Variants in PRSS55 observed in about 807,000 individuals in gnomAD.
The protein encoded by PRSS55 is serine protease 55.
PRSS55 carries 41 observed loss-of-function variants against 23.6 expected under a neutral mutation model. The observed-to-expected ratio is 1.74, with a 90% CI of 1.35 to 2.26. The LOEUF (loss-of-function observed/expected upper bound fraction) is 2.26, where lower values mean the gene tolerates loss of function less well. Ranked by LOEUF, PRSS55 falls within the 30% of genes most tolerant of loss-of-function variation. The pLI is 0.00. For missense variants in PRSS55, 669 were observed against 439.1 expected, an observed-to-expected ratio of 1.52 and a Z score of -4.68; for synonymous variants, 262 against 175.5, an observed-to-expected ratio of 1.49 and a Z score of -3.90.
intron 4 of PRSS55, among the ~76,000 whole-genome samples, chr8:10,546,228 G>C (rs1262319481): frequency 6.6e-6 from 1 of 152,188 alleles, no homozygotes; most frequent in African/African-American, 2.4e-5. Flanking sequence ...ATCATTGCAT[G>C]GACAGAGTAA....
chr8:10,533,034 T>A lies in PRSS55; in HGVS notation c.727T>A (p.Tyr243Asn). 6.2e-7 allele frequency: 1 copy of A among 1,614,186 alleles called. No homozygotes were observed. Among genetic ancestry groups the A allele is most frequent in the Non-Finnish European group, 8.5e-7 (1 of 1,180,014 alleles). Residue 243 changes from tyrosine (Y) to asparagine (N), a missense_variant, in exon 4 of 5, where the codon TAT (tyrosine) becomes AAT (asparagine). Transcript: ENST00000328655. ...MLCAGYKNESYDACKGDSGGP... is the reference protein window; with the variant it reads ...MLCAGYKNESNDACKGDSGGP... ...GTGTGCCGGATACAAGAATGAGAGCTATGATGCCTGCAAGGTAACTAGGGG... is the reference window on the plus strand; with the variant it reads ...GTGTGCCGGATACAAGAATGAGAGCAATGATGCCTGCAAGGTAACTAGGGG...
At chr8:10,545,169 G>T in intron 4 of PRSS55, 3 of 190,528 alleles carry the variant, frequency 1.6e-5, no homozygotes, top group Non-Finnish European at 2.8e-5. Flanking sequence ...AAATGAAATC[G>T]AAAATGAACA....
At chr8:10,543,450 TCC>T (rs1563547328), downstream of PRSS55, among the ~76,000 whole-genome samples, 52 of 22,774 alleles carry the variant, frequency 2.3e-3, no homozygotes, top group African/African-American at 3.2e-3. Context: ...CTTCCATCCT[TCC>T]TTCCTTCCTT....
At chr8:10,531,261 T>C (rs752681573) in intron 2 of PRSS55, 34 bp from the exon 3 acceptor site, 8 of 1,609,836 alleles carry the variant, frequency 5.0e-6, no homozygotes, top group Admixed American at 1.7e-5. Context: ...TCCCTTCCCC[T>C]TCCACTTGCC....
chr8:10,529,750 G>A lies in PRSS55; in HGVS notation c.347+51G>A, dbSNP rs755087477. 5 of 1,563,374 alleles carry A rather than the reference G, an allele frequency of 3.2e-6. No individual in the cohort carries two copies. The African/African-American group carries it at 6.8e-5, about 21-fold the overall frequency. ...CACCTCTCAGGGCGCCCACCCCTGGGGCACCCTCCCCCTCACCCACACCTG... is the reference window on the plus strand; with the variant it reads ...CACCTCTCAGGGCGCCCACCCCTGGAGCACCCTCCCCCTCACCCACACCTG... On this transcript the variant is annotated intron_variant, in intron 2 of 4. Transcript: ENST00000328655.
At chr8:10,538,210 G>A (rs1287287079) in intron 4 of PRSS55, among the ~76,000 whole-genome samples, 1 of 152,098 alleles carries the variant, frequency 6.6e-6, no homozygotes, top group East Asian at 1.9e-4. Context: ...GCTGCAGATG[G>A]AGTGGTCTTT....
chr8:10,526,979 C>G (rs1474154440), intron 1 of PRSS55, among the ~76,000 whole-genome samples: 1 of 152,214 alleles, frequency 6.6e-6, no homozygotes, highest in Non-Finnish European at 1.5e-5. Flanking sequence ...GTGCCATGTT[C>G]TGCATCTCAG....
intron 4 of PRSS55, among the ~76,000 whole-genome samples, chr8:10,545,460 T>A (rs934581960): frequency 6.6e-6 from 1 of 152,224 alleles, no homozygotes; most frequent in Admixed American, 6.5e-5. Context: ...TTTAAGTTGC[T>A]GTAAAGGTTT....
intron 4 of PRSS55, among the ~76,000 whole-genome samples, chr8:10,551,677 G>C (rs1361035952): frequency 3.3e-5 from 5 of 152,228 alleles, no homozygotes; most frequent in African/African-American, 1.2e-4. Context: ...GAACAGCTGA[G>C]AACATTGGAA....
At chr8:10,553,454 T>C (rs1226486838) in intron 4 of PRSS55, among the ~76,000 whole-genome samples, 1 of 152,170 alleles carries the variant, frequency 6.6e-6, no homozygotes, top group Non-Finnish European at 1.5e-5. Flanking sequence ...CACAATAAAA[T>C]ACTACTCAGC....
intron 4 of PRSS55, among the ~76,000 whole-genome samples, chr8:10,545,961 T>C (rs76630914): frequency 0.082 from 12,405 of 152,154 alleles, 555 homozygotes; most frequent in Non-Finnish European, 0.097. Flanking sequence ...CCTGCAGAGC[T>C]TCTTGCCAGA....
chr8:10,543,587 C>G (rs1812732469), downstream of PRSS55, among the ~76,000 whole-genome samples: 1 of 150,686 alleles, frequency 6.6e-6, no homozygotes, highest in Admixed American at 6.6e-5. Flanking sequence ...TTCCCTTATC[C>G]TTCCTGGTTT....
Position 10,527,637 on chromosome 8 carries a change from G to A in PRSS55, c.155-1870G>A, listed in dbSNP as rs547115965. 1.4e-4 allele frequency among the ~76,000 whole-genome samples: 21 copies of A among 152,380 alleles called. No homozygotes were observed. The South Asian group carries it at 1.7e-3, about 12-fold the overall frequency. On this transcript the variant is annotated intron_variant, in intron 1 of 4. Coordinates refer to ENST00000328655, the MANE Select transcript of PRSS55 (RefSeq NM_198464.4). ...TGGGGAAGAATATTTCAGGCAGAGA[G>A]CCACATGGCGCAGTGGTGAGAGCAC... is the stretch of plus-strand genomic sequence containing the variant.
At chr8:10,551,314 CCTCA>C (rs112578028) in intron 4 of PRSS55, among the ~76,000 whole-genome samples, 44,923 of 151,928 alleles carry the variant, frequency 0.3, 7,116 homozygotes, top group South Asian at 0.45. Context: ...TTTAAAATGC[CCTCA>C]CTCACTCATT....
At chr8:10,552,204 C>T (rs868348047) in intron 4 of PRSS55, among the ~76,000 whole-genome samples, 1 of 152,166 alleles carries the variant, frequency 6.6e-6, no homozygotes, top group Non-Finnish European at 1.5e-5. Flanking sequence ...GCAGAGAGCC[C>T]GTTTCTAACT....
At chr8:10,546,149 C>T (rs1812812778) in intron 4 of PRSS55, among the ~76,000 whole-genome samples, 1 of 152,140 alleles carries the variant, frequency 6.6e-6, no homozygotes, top group Non-Finnish European at 1.5e-5. Context: ...ATGAAGCTGG[C>T]CATGGCTCAA....
At chr8:10,542,337 C>T (rs536800638), downstream of PRSS55, among the ~76,000 whole-genome samples, 2 of 149,948 alleles carry the variant, frequency 1.3e-5, no homozygotes, top group East Asian at 4.0e-4. Context: ...GAGTTGACCA[C>T]TGCTGCTAAG....
downstream of PRSS55, among the ~76,000 whole-genome samples, chr8:10,543,423 T>TCTTCCTTCCTTCCTTCCTTCCTTC (rs71203335): frequency 7.1e-3 from 505 of 71,548 alleles, 14 homozygotes; most frequent in East Asian, 0.048. Context: ...CTTCTTTCTT[T>TCTTCCTTCCTTCCTTCCTTCCTTC]CTTCCTTCCT....
At chr8:10,547,761 G>A (rs1020267480) in intron 4 of PRSS55, among the ~76,000 whole-genome samples, 4 of 143,374 alleles carry the variant, frequency 2.8e-5, no homozygotes. Flanking sequence ...AGTCTTGGTG[G>A]CTTGTTCCGG....
Sources: gnomAD v4.1 joint callset for allele counts (sites outside exome capture counted in the v4.1 genomes callset) on GRCh38, gnomAD v4.1.1 for gene constraint, MANE v1.5 for transcripts, NCBI Gene and HGNC (gene_info 2026-07-23, HGNC 2026-07-21) for gene names.